The following SNW1 variants were observed in gnomAD, a reference collection of about 807,000 sequenced individuals.
The protein encoded by SNW1 is SNW domain-containing protein 1.
SNW1 carries 9 observed loss-of-function variants against 75.6 expected under a neutral mutation model. The observed-to-expected ratio is 0.12, with a 90% CI of 0.07 to 0.21. The LOEUF is 0.21. Among genes scored for constraint, SNW1 ranks in the 10% least tolerant of loss-of-function variants. The probability of loss-of-function intolerance (pLI) is 1.00; values close to 1 mark genes in which losing one functional copy is unlikely to be tolerated. For synonymous variants in SNW1, 200 were observed against 219.1 expected (o/e 0.91, Z 0.77); for missense variants, 409 against 670.9 (o/e 0.61, Z 4.31).
At position 77,734,056 on chromosome 14, in the gene SNW1, T is replaced by C. The variant is rs143976853; in HGVS notation, c.774+891A>G. On this transcript the variant is annotated intron_variant, in intron 8 of 13. Transcript: ENST00000261531. ...AACCTCTTTGTTTAGGGTGAGTATA[T>C]AAATTCTCTTAAGAAACCTGAAATG... The C allele has an allele frequency of 4.3e-3, 1,008 of 233,170 alleles. 11 individuals carry two copies. The highest frequency in any genetic ancestry group is 0.022 in the African/African-American group (970 of 43,828). 14.4% of individuals were successfully genotyped at this position (233,170 alleles called of 1,614,324 possible). A position where few individuals can be genotyped will look rare whatever the true frequency, so the allele number is the denominator to read the frequency against.
chr14:77,730,848 C>T, intron 10 of SNW1, 140 bp downstream of exon 10: 1 of 849,784 alleles, frequency 1.2e-6, no homozygotes. Context: ...AGAGATTACT[C>T]TCCATTTCTA....
At chr14:77,750,991 C>T (rs2080803215) in intron 3 of SNW1, among the ~76,000 whole-genome samples, 1 of 152,168 alleles carries the variant, frequency 6.6e-6, no homozygotes, top group Non-Finnish European at 1.5e-5. Context: ...TGGTAAGGCT[C>T]TGGGGTTGCA....
chr14:77,722,262 T>C (rs1462359516), intron 11 of SNW1, among the ~76,000 whole-genome samples: 2 of 152,192 alleles, frequency 1.3e-5, no homozygotes, highest in Non-Finnish European at 2.9e-5. Flanking sequence ...CCTACTTTAC[T>C]CTATGCCCTC....
At chr14:77,760,619 A>C (rs770927243) in intron 1 of SNW1, 3 of 702,074 alleles carry the variant, frequency 4.3e-6, no homozygotes, top group South Asian at 3.0e-5. Context: ...TGGCTCATTT[A>C]AATCTGTGTT....
chr14:77,728,629 G>A (rs1044552544), intron 10 of SNW1, among the ~76,000 whole-genome samples: 1 of 151,870 alleles, frequency 6.6e-6, no homozygotes. Flanking sequence ...TTCTACCCTC[G>A]CCAGTCTGAG....
intron 3 of SNW1, among the ~76,000 whole-genome samples, chr14:77,740,844 C>G (rs2080712493): frequency 6.6e-6 from 1 of 152,046 alleles, no homozygotes; most frequent in Admixed American, 6.6e-5. Flanking sequence ...CGCCTGTAAT[C>G]CCAGCACTTT....
chr14:77,756,099 C>G (rs2080840712), intron 1 of SNW1, among the ~76,000 whole-genome samples: 1 of 151,996 alleles, frequency 6.6e-6, no homozygotes, highest in Non-Finnish European at 1.5e-5. Flanking sequence ...GATAAACTGT[C>G]CAGTATATAC....
At chr14:77,747,935 G>C (rs2080777042) in intron 3 of SNW1, among the ~76,000 whole-genome samples, 1 of 152,246 alleles carries the variant, frequency 6.6e-6, no homozygotes, top group South Asian at 2.1e-4. Flanking sequence ...ATTGAGAACA[G>C]GCCATGATGA....
intron 1 of SNW1, among the ~76,000 whole-genome samples, chr14:77,756,833 T>C (rs993317842): frequency 6.6e-6 from 1 of 152,108 alleles, no homozygotes; most frequent in African/African-American, 2.4e-5. Flanking sequence ...GAGCCAAGAT[T>C]GCACCATTGC....
intron 3 of SNW1, among the ~76,000 whole-genome samples, chr14:77,742,528 C>T (rs1035363642): frequency 1.3e-5 from 2 of 152,020 alleles, no homozygotes; most frequent in Non-Finnish European, 2.9e-5. Flanking sequence ...AGAAAACTGG[C>T]AAAGAACTAG....
chr14:77,720,307 G>C (rs1229425901), intron 12 of SNW1, among the ~76,000 whole-genome samples: 1 of 152,044 alleles, frequency 6.6e-6, no homozygotes, highest in Admixed American at 6.6e-5. Flanking sequence ...GCTAGTTTTC[G>C]TATTTTTAGT....
chr14:77,729,509 C>T (rs1035592213), intron 10 of SNW1, among the ~76,000 whole-genome samples: 1 of 151,988 alleles, frequency 6.6e-6, no homozygotes, highest in African/African-American at 2.4e-5. Context: ...TTTAACACAG[C>T]AGCCAGGGAG....
intron 1 of SNW1, among the ~76,000 whole-genome samples, chr14:77,758,796 T>C (rs2080862550): frequency 6.6e-6 from 1 of 152,228 alleles, no homozygotes; most frequent in African/African-American, 2.4e-5. Flanking sequence ...ACAACACTTC[T>C]GATACCAGAT....
rs756735229 is a variant in SNW1, at chr14:77,758,349, G to A, written c.14+2765C>T. Among the ~76,000 whole-genome samples, 105 of 128,982 alleles carry A rather than the reference G, an allele frequency of 8.1e-4. 1 individual carries two copies. Among genetic ancestry groups the A allele is most frequent in the Middle Eastern group, 4.2e-3 (1 of 238 alleles). 84.6% of individuals were successfully genotyped at this position (128,982 alleles called of 152,430 possible). On this transcript the variant is annotated intron_variant, in intron 1 of 13. Coordinates refer to ENST00000261531, the MANE Select transcript of SNW1 (RefSeq NM_012245.3). ...AAAAAAAAAAAAAGAACAAATTTTC[G>A]TATGCTTTTATAGAAAATTCTTCTC...
At chr14:77,752,510 T>C (rs1594808775) in intron 2 of SNW1, among the ~76,000 whole-genome samples, 1 of 152,188 alleles carries the variant, frequency 6.6e-6, no homozygotes, top group Non-Finnish European at 1.5e-5. Flanking sequence ...ATTTAATCCT[T>C]GTAACTCTTT....
chr14:77,747,053 A>G (rs1049454201), intron 3 of SNW1, among the ~76,000 whole-genome samples: 3 of 151,982 alleles, frequency 2.0e-5, no homozygotes, highest in Non-Finnish European at 4.4e-5. Flanking sequence ...AGTGCCTGGG[A>G]TTGCAGGTGC....
chr14:77,742,035 A>AT (rs35732517), intron 3 of SNW1, among the ~76,000 whole-genome samples: 8,329 of 143,546 alleles, frequency 0.058, 304 homozygotes, highest in Middle Eastern at 0.094. Context: ...AAAACCCCCC[A>AT]TTTTTTTTTT....
intron 3 of SNW1, 51 bp from the exon 4 acceptor site, chr14:77,739,112 A>G: frequency 7.5e-7 from 1 of 1,340,064 alleles, no homozygotes; most frequent in Non-Finnish European, 1.1e-6. Context: ...AACGAAAAGA[A>G]ACCTCATTAG....
chr14:77,724,096 T>A (rs1456777369), intron 10 of SNW1, among the ~76,000 whole-genome samples: 2 of 152,204 alleles, frequency 1.3e-5, no homozygotes, highest in Non-Finnish European at 2.9e-5. Context: ...GTCTTCAACT[T>A]ACTTTGAAAT....
Sources: allele counts gnomAD v4.1 joint callset (sites outside exome capture counted in the v4.1 genomes callset), GRCh38; gene constraint gnomAD v4.1.1; transcripts MANE v1.5; gene names NCBI Gene and HGNC (gene_info 2026-07-23, HGNC 2026-07-21).